Variants in ITPR2 observed in about 807,000 individuals in gnomAD.
ITPR2 encodes the protein inositol 1,4,5-trisphosphate receptor type 2.
A neutral mutation model predicts 317.1 loss-of-function variants in ITPR2; 207 were observed. The ratio of observed to expected loss-of-function variants is 0.65; its 90% confidence interval spans 0.58 to 0.73. ITPR2 has a LOEUF of 0.73. ITPR2 is among the 30% of genes least tolerant of loss of function. The probability of loss-of-function intolerance (pLI) is 0.00; values close to 1 mark genes in which losing one functional copy is unlikely to be tolerated. For missense variants in ITPR2, 2,613 were observed against 3,284.0 expected (o/e 0.80, Z 4.99); for synonymous variants, 1,156 against 1,149.1 (o/e 1.01, Z -0.12).
intron 23 of ITPR2, among the ~76,000 whole-genome samples, chr12:26,624,906 T>C (rs950213725): frequency 1.1e-4 from 17 of 152,304 alleles, no homozygotes; most frequent in African/African-American, 4.1e-4. Context: ...GGAGGCACTA[T>C]TTACAATAGC....
intron 2 of ITPR2, among the ~76,000 whole-genome samples, chr12:26,776,788 A>G (rs1949979749): frequency 6.6e-6 from 1 of 152,220 alleles, no homozygotes; most frequent in Non-Finnish European, 1.5e-5. Context: ...CCCCTTAGGC[A>G]GTTGCCAGGC....
chr12:26,437,922 C>T (rs996911946), intron 47 of ITPR2, among the ~76,000 whole-genome samples: 8 of 152,122 alleles, frequency 5.3e-5, no homozygotes, highest in Non-Finnish European at 1.0e-4. Context: ...CTGCCTCAGC[C>T]TCCCGAGTAG....
At chr12:26,438,052 C>T (rs1357982710) in intron 47 of ITPR2, among the ~76,000 whole-genome samples, 2 of 152,138 alleles carry the variant, frequency 1.3e-5, no homozygotes, top group Non-Finnish European at 2.9e-5. Context: ...CTGCCTGCCT[C>T]GGCCTCCCAA....
intron 49 of ITPR2, among the ~76,000 whole-genome samples, chr12:26,424,309 A>G (rs1176107263): frequency 1.3e-5 from 2 of 152,260 alleles, no homozygotes; most frequent in African/African-American, 4.8e-5. Flanking sequence ...ATTTGCCTAA[A>G]GTGTAGAACT....
At chr12:26,617,703 A>AAGGAAGGAGG (rs1946401500) in intron 26 of ITPR2, among the ~76,000 whole-genome samples, 2 of 85,748 alleles carry the variant, frequency 2.3e-5, no homozygotes, top group African/African-American at 8.9e-5. Flanking sequence ...AAGGAAGGAG[A>AAGGAAGGAGG]GAAGGAAGGA....
intron 1 of ITPR2, among the ~76,000 whole-genome samples, chr12:26,812,098 G>C (rs1490367291): frequency 2.0e-5 from 3 of 151,208 alleles, no homozygotes; most frequent in East Asian, 3.9e-4. Context: ...GGGAGGCGGA[G>C]GTTGCAGTGA....
In ITPR2 at chr12:26,529,687, C is replaced by T. The variant is rs1259359820; in HGVS notation, c.5073+20560G>A. On this transcript the variant is annotated intron_variant, in intron 37 of 56. Transcript: ENST00000381340. ...AGTAAAATAACCAAACGTCTCTAAACTTCAGTTTTTCCATCTGTAAAATGG... is the reference window on the plus strand; with the variant it reads ...AGTAAAATAACCAAACGTCTCTAAATTTCAGTTTTTCCATCTGTAAAATGG... 2.6e-5 allele frequency among the ~76,000 whole-genome samples: 4 copies of T among 152,308 alleles called. No homozygotes were observed. The East Asian group carries it at 7.7e-4, about 29-fold the overall frequency.
In ITPR2 at chr12:26,631,966, T is replaced by A. The variant is rs747653191; in HGVS notation, c.2834A>T (p.Asp945Val). The A allele has an allele frequency of 6.2e-7, 1 of 1,613,760 alleles. No homozygotes were observed. Among genetic ancestry groups the A allele is most frequent in the Non-Finnish European group, 8.5e-7 (1 of 1,179,848 alleles). Residue 945 changes from aspartate to valine, a missense_variant, in exon 22 of 57, where the codon GAT becomes GTT. Coordinates refer to ENST00000381340, the MANE Select transcript of ITPR2 (RefSeq NM_002223.4). ...GCTCGGGTGGATGCTGGGTGGCACA[T>A]CCGGCACGCTCATGGGGAAGATGGA... ...RGSIFPMSVP[D>V]VPPSIHPSKQ... is the part of the protein sequence containing the mutation.
chr12:26,596,996 A>G lies in ITPR2; in HGVS notation c.4141T>C (p.Leu1381=). Residue 1381 remains leucine (L), a synonymous_variant, in exon 31 of 57, where the codon TTG becomes CTG. Transcript: ENST00000381340. ...TTCCCCTCTGTGCATGCTGCCAGCAACTCCACCAGGGTGATGTGGTAGGCT... is the reference window on the plus strand; with the variant it reads ...TTCCCCTCTGTGCATGCTGCCAGCAGCTCCACCAGGGTGATGTGGTAGGCT... ...PLAYHITLVE[L]LAACTEGKNV... 1.2e-6 allele frequency: 2 copies of G among 1,613,572 alleles called. No individual in the cohort carries two copies. The highest frequency in any genetic ancestry group is 1.7e-6 in the Non-Finnish European group (2 of 1,179,822).
rs1289527924 is a variant in ITPR2 at position 26,637,748 on chromosome 12, A to G, written c.2741-5689T>C. Among the ~76,000 whole-genome samples the G allele has an allele frequency of 3.3e-5, 5 of 152,328 alleles. No homozygotes were observed. In the East Asian group the frequency reaches 9.7e-4, roughly 29 times the overall value. ...ATAGTGGTCACCACCTTACTAATGAATATGTGGTTTCATCATATAATTATA... is the reference window on the plus strand; with the variant it reads ...ATAGTGGTCACCACCTTACTAATGAGTATGTGGTTTCATCATATAATTATA... On this transcript the variant is annotated intron_variant, in intron 21 of 56. Transcript: ENST00000381340.
chr12:26,613,789 C>T (rs1946321761), intron 26 of ITPR2, among the ~76,000 whole-genome samples: 1 of 152,288 alleles, frequency 6.6e-6, no homozygotes, highest in South Asian at 2.1e-4. Flanking sequence ...TCTCTTGAGG[C>T]TCCCATATAC....
At chr12:26,577,554 A>G (rs1285049500) in intron 34 of ITPR2, among the ~76,000 whole-genome samples, 1 of 152,082 alleles carries the variant, frequency 6.6e-6, no homozygotes, top group African/African-American at 2.4e-5. Flanking sequence ...TTTTCATATT[A>G]CATTCTCTTT....
In ITPR2 at chr12:26,619,390, C is replaced by G. The variant is rs1946445121; in HGVS notation, c.3462+1733G>C. Among the ~76,000 whole-genome samples the G allele has an allele frequency of 3.3e-5, 5 of 152,276 alleles. No individual in the cohort carries two copies. The South Asian group carries it at 1.0e-3, about 32-fold the overall frequency. On this transcript the variant is annotated intron_variant, in intron 26 of 56. Transcript: ENST00000381340. ...CTAGAAGAATCCAGTTTTGTTCGGC[C>G]ATCTATCGTTCTCCCAGGTAATTCA...
chr12:26,587,002 G>A (rs917624757), intron 32 of ITPR2, among the ~76,000 whole-genome samples: 27 of 151,632 alleles, frequency 1.8e-4, no homozygotes, highest in Admixed American at 3.3e-4. Flanking sequence ...ACTAATAGGT[G>A]ATAATTTATT....
In ITPR2 at chr12:26,536,473, C is replaced by T. The variant is rs543258711; in HGVS notation, c.5073+13774G>A. Among the ~76,000 whole-genome samples the T allele has an allele frequency of 7.2e-5, 11 of 152,150 alleles. No individual in the cohort carries two copies. In the East Asian group the frequency reaches 9.7e-4, roughly 13 times the overall value. On this transcript the variant is annotated intron_variant, in intron 37 of 56. Transcript: ENST00000381340. ...AGAGGAAGGGGGCAAGCTGAAGAAC[C>T]GGGAAATTTGAGGGGTCAGTGGTTT...
intron 36 of ITPR2, among the ~76,000 whole-genome samples, chr12:26,550,610 A>G (rs768296396): frequency 3.3e-5 from 5 of 152,162 alleles, no homozygotes; most frequent in African/African-American, 4.8e-5. Context: ...GTGGGATACA[A>G]TACTCTGAGA....
chr12:26,652,884 C>T (rs942523242), intron 21 of ITPR2, among the ~76,000 whole-genome samples: 10 of 152,172 alleles, frequency 6.6e-5, no homozygotes, highest in Non-Finnish European at 1.3e-4. Flanking sequence ...GCAAACAAGC[C>T]TCTAGATCAG....
intron 32 of ITPR2, among the ~76,000 whole-genome samples, chr12:26,593,548 G>T (rs1244592604): frequency 6.6e-6 from 1 of 152,166 alleles, no homozygotes; most frequent in Non-Finnish European, 1.5e-5. Context: ...GGATTAGAGA[G>T]CTACTGTTTT....
intron 30 of ITPR2, 91 bp from the exon 31 acceptor site, chr12:26,597,225 A>C: frequency 7.4e-7 from 1 of 1,348,644 alleles, no homozygotes; most frequent in Non-Finnish European, 1.0e-6. Flanking sequence ...AAACACGTAT[A>C]TCTCTTCGTA....
Sources: gnomAD v4.1 joint callset for allele counts (sites outside exome capture counted in the v4.1 genomes callset) on GRCh38, gnomAD v4.1.1 for gene constraint, MANE v1.5 for transcripts, NCBI Gene and HGNC (gene_info 2026-07-23, HGNC 2026-07-21) for gene names.